Variants in WNT5A observed in about 807,000 individuals in gnomAD.
The protein encoded by WNT5A is protein Wnt-5a.
In WNT5A, 9 loss-of-function variants were observed where a neutral mutation model predicts 42.1. The observed-to-expected ratio is 0.21, with a 90% CI of 0.13 to 0.37. WNT5A has a LOEUF of 0.37. Ranked by LOEUF, WNT5A falls within the 10% of genes least tolerant of loss-of-function variation. The pLI is 1.00. For missense variants in WNT5A, 426 were observed against 534.0 expected (o/e 0.80, Z 1.99); for synonymous variants, 210 against 210.0 (o/e 1.00, Z 0.00).
At chr3:55,499,368 A>G in the WNT5A span, among the ~76,000 whole-genome samples, 2 of 152,172 alleles carry the variant, frequency 1.3e-5, no homozygotes, top group African/African-American at 4.8e-5. Context: ...GCAAAGCGGG[A>G]AGACAGTAGG....
the WNT5A span, chr3:55,505,098 T>C: frequency 6.6e-6 from 1 of 152,234 alleles, no homozygotes; most frequent in Non-Finnish European, 1.5e-5. Context: ...TTCATTCTAA[T>C]GCTGCTATAA....
Position 55,470,115 on chromosome 3 carries a change from C to T in WNT5A, c.1120G>A (p.Val374Met), listed in dbSNP as rs1346821075. 3.1e-6 allele frequency: 5 copies of T among 1,614,010 alleles called. No individual in the cohort carries two copies. The highest frequency in any genetic ancestry group is 2.7e-5 in the African/African-American group (2 of 74,952). ...YVKCKKCTEI[V>M]DQFVCK ...CACTACTTGCACACAAACTGGTCCA[C>T]GATCTCCGTGCACTTCTTGCACTTG... The change falls in exon 5 of 5, where the codon GTG becomes ATG. Residue 374 changes from valine to methionine, a missense_variant. By Grantham distance (21) the Val-to-Met change is conservative. Transcript: ENST00000264634.
intron 4 of WNT5A, 151 bp downstream of exon 4, chr3:55,474,186 G>T: frequency 1.0e-6 from 1 of 953,870 alleles, no homozygotes; most frequent in Non-Finnish European, 1.5e-6. Flanking sequence ...AAGATAGGGA[G>T]AGACAGAAAG....
At chr3:55,474,880 G>C (rs1307970367) in intron 3 of WNT5A, among the ~76,000 whole-genome samples, 1 of 123,266 alleles carries the variant, frequency 8.1e-6, no homozygotes, top group African/African-American at 3.1e-5. Flanking sequence ...GTAGAAGGTG[G>C]GGGGCAGGTA....
chr3:55,504,894 C>T, the WNT5A span, among the ~76,000 whole-genome samples: 1 of 152,214 alleles, frequency 6.6e-6, no homozygotes, highest in African/African-American at 2.4e-5. Flanking sequence ...AATCCCAACT[C>T]CTAACCCTAT....
intron 3 of WNT5A, among the ~76,000 whole-genome samples, chr3:55,476,466 C>T (rs879344929): frequency 1.8e-4 from 28 of 151,954 alleles, no homozygotes; most frequent in Non-Finnish European, 3.2e-4. Flanking sequence ...ATGCTGTGGC[C>T]CTGGATGGGG....
At chr3:55,489,991 T>G (rs1308996903), upstream of WNT5A, 2 of 152,336 alleles carry the variant, frequency 1.3e-5, no homozygotes, top group East Asian at 3.9e-4. Flanking sequence ...AGGCAGACAC[T>G]CCAGCCCCGC....
In WNT5A at chr3:55,470,041, TC is replaced by T. The variant is rs1434952355; in HGVS notation, c.*50del. ...ACCAAAAACCAGAATCACTGTACTTTCTATAAATAAGCGGGTCCTGGGAGCG... is the reference window on the plus strand; with the variant it reads ...ACCAAAAACCAGAATCACTGTACTTTTATAAATAAGCGGGTCCTGGGAGCG... On this transcript the variant is annotated 3_prime_UTR_variant, in exon 5 of 5. Coordinates refer to ENST00000264634, the MANE Select transcript of WNT5A (RefSeq NM_003392.7). The T allele has an allele frequency of 6.2e-7, 1 of 1,608,876 alleles. No individual in the cohort carries two copies. The highest frequency in any genetic ancestry group is 1.7e-5 in the Admixed American group (1 of 59,976).
intron 1 of WNT5A, 54 bp from the exon 2 acceptor site, chr3:55,480,972 C>T: frequency 7.2e-7 from 1 of 1,388,532 alleles, no homozygotes. Context: ...AATTTTCAAG[C>T]ATACAAGTTT....
upstream of WNT5A, among the ~76,000 whole-genome samples, chr3:55,493,018 C>A (rs1280283749): frequency 6.6e-6 from 1 of 152,218 alleles, no homozygotes; most frequent in African/African-American, 2.4e-5. Flanking sequence ...GTTCTTATTT[C>A]ATTAACTGGC....
intron 3 of WNT5A, among the ~76,000 whole-genome samples, chr3:55,476,189 G>A (rs1459462608): frequency 3.3e-5 from 5 of 152,188 alleles, no homozygotes; most frequent in Admixed American, 1.3e-4. Context: ...GCATCCAGCA[G>A]GCCACCTCAT....
chr3:55,505,090 C>T, the WNT5A span: 1 of 152,160 alleles, frequency 6.6e-6, no homozygotes, highest in Non-Finnish European at 1.5e-5. Flanking sequence ...CATATTAGTT[C>T]ATTCTAATGC....
the WNT5A span, among the ~76,000 whole-genome samples, chr3:55,499,536 A>G: frequency 6.6e-6 from 1 of 152,192 alleles, no homozygotes. Flanking sequence ...CTTGATTTCC[A>G]TGTTTTTTCT....
At chr3:55,472,485 TG>T (rs766031022) in intron 4 of WNT5A, among the ~76,000 whole-genome samples, 1 of 152,180 alleles carries the variant, frequency 6.6e-6, no homozygotes, top group Non-Finnish European at 1.5e-5. Context: ...GATACATCCC[TG>T]AAGAGGGTGA....
Position 55,479,438 on chromosome 3 carries a change from G to A in WNT5A, c.267C>T (p.His89=). Residue 89 remains histidine (H), a synonymous_variant, in exon 3 of 5, where the codon CAC becomes CAT. Transcript: ENST00000264634. ...QKKLCHLYQD[H]MQYIGEGAKT... ...TCGCGCCTTCTCCGATGTACTGCATGTGGTCCTGATACAAGTGGCACAGTT... is the reference window on the plus strand; with the variant it reads ...TCGCGCCTTCTCCGATGTACTGCATATGGTCCTGATACAAGTGGCACAGTT... 1 of 1,614,048 alleles carries A rather than the reference G, an allele frequency of 6.2e-7. No individual in the cohort carries two copies. The highest frequency in any genetic ancestry group is 8.5e-7 in the Non-Finnish European group (1 of 1,179,898).
In WNT5A at chr3:55,467,198, T is replaced by C. The variant is rs2051158509; in HGVS notation, c.*2894A>G. ...TTGCAGTGGTAAACACACAAAAAAA[T>C]ACATTTTTTTGGACTAAAAATCTGG... On this transcript the variant is annotated 3_prime_UTR_variant, in exon 5 of 5. Transcript: ENST00000264634. The C allele has an allele frequency of 6.6e-6, 1 of 152,386 alleles. No homozygotes were observed. The highest frequency in any genetic ancestry group is 2.4e-5 in the African/African-American group (1 of 41,386). 9.4% of individuals were successfully genotyped at this position (152,386 alleles called of 1,614,324 possible).
intron 4 of WNT5A, among the ~76,000 whole-genome samples, chr3:55,471,854 A>C (rs1285836292): frequency 6.6e-6 from 1 of 152,234 alleles, no homozygotes; most frequent in Non-Finnish European, 1.5e-5. Flanking sequence ...GGGGTGCATC[A>C]GAAGGCCTCT....
chr3:55,493,869 G>T (rs947383959), upstream of WNT5A: 2 of 152,218 alleles, frequency 1.3e-5, no homozygotes, highest in African/African-American at 4.8e-5. Context: ...TTTAATAAGA[G>T]AAATAGTTTT....
At position 55,469,606 on chromosome 3, in the gene WNT5A, T is replaced by G. The variant is rs954431886; in HGVS notation, c.*486A>C. The G allele has an allele frequency of 6.5e-6, 1 of 152,990 alleles. No individual in the cohort carries two copies. The highest frequency in any genetic ancestry group is 2.4e-5 in the African/African-American group (1 of 41,448). The allele number at this position is 152,990 out of a possible 1,614,324, so 9.5% of individuals were successfully genotyped here. ...GGGAGGTTTGTTTTGTTTTGTTTTG[T>G]TTTCCCAAGACCTTTTATCTTGCAC... On this transcript the variant is annotated 3_prime_UTR_variant, in exon 5 of 5. Coordinates refer to ENST00000264634, the MANE Select transcript of WNT5A (RefSeq NM_003392.7).
Sources: gnomAD v4.1 joint callset for allele counts (sites outside exome capture counted in the v4.1 genomes callset) on GRCh38, gnomAD v4.1.1 for gene constraint, MANE v1.5 for transcripts, NCBI Gene and HGNC (gene_info 2026-07-23, HGNC 2026-07-21) for gene names.